Variants in MYO3B observed in about 807,000 individuals in gnomAD.
MYO3B encodes myosin IIIB.
MYO3B carries 156 observed loss-of-function variants against 174.6 expected under a neutral mutation model. That is an observed-to-expected ratio of 0.89 (90% CI 0.78 to 1.02). The LOEUF (loss-of-function observed/expected upper bound fraction) is 1.02, where lower values mean the gene tolerates loss of function less well. MYO3B is among the 50% of genes least tolerant of loss of function. MYO3B has a pLI of 0.00. For synonymous variants in MYO3B, 563 were observed against 569.1 expected (o/e 0.99, Z 0.15); for missense variants, 1,632 against 1,639.4 (o/e 1.00, Z 0.08).
intron 7 of MYO3B, among the ~76,000 whole-genome samples, chr2:170,272,335 T>C (rs1424656): frequency 0.89 from 135,121 of 152,120 alleles, 60,385 homozygotes; most frequent in East Asian, 0.96. Flanking sequence ...AACCCTTCTG[T>C]TACTGCCTTG....
intron 32 of MYO3B, among the ~76,000 whole-genome samples, chr2:170,611,972 T>C (rs1189653000): frequency 3.3e-5 from 5 of 152,204 alleles, no homozygotes; most frequent in Non-Finnish European, 7.3e-5. Flanking sequence ...AATTATGTTG[T>C]CTGTAGTATC....
chr2:170,609,670 G>A (rs1575242217), intron 32 of MYO3B, among the ~76,000 whole-genome samples: 1 of 152,204 alleles, frequency 6.6e-6, no homozygotes, highest in Admixed American at 6.5e-5. Flanking sequence ...ATGGTTCAAT[G>A]CTGCTTATTC....
At chr2:170,229,946 C>A (rs1448868085) in intron 6 of MYO3B, among the ~76,000 whole-genome samples, 2 of 151,902 alleles carry the variant, frequency 1.3e-5, no homozygotes, top group African/African-American at 4.8e-5. Flanking sequence ...CTACTCATGC[C>A]CTGTGCTTAC....
intron 22 of MYO3B, among the ~76,000 whole-genome samples, chr2:170,416,286 G>A (rs1249276109): frequency 6.6e-6 from 1 of 152,146 alleles, no homozygotes; most frequent in Non-Finnish European, 1.5e-5. Flanking sequence ...ACTTTGGGAG[G>A]CCGAGGCAGG....
intron 32 of MYO3B, among the ~76,000 whole-genome samples, chr2:170,606,287 C>T (rs927914648): frequency 6.6e-6 from 1 of 152,184 alleles, no homozygotes; most frequent in African/African-American, 2.4e-5. Flanking sequence ...TTCAGCTTTA[C>T]CTCACATCAT....
At chr2:170,517,750 G>T (rs936290478) in intron 29 of MYO3B, among the ~76,000 whole-genome samples, 1 of 152,026 alleles carries the variant, frequency 6.6e-6, no homozygotes, top group Non-Finnish European at 1.5e-5. Flanking sequence ...GTCAGTTCTT[G>T]CTTTTATGTT....
chr2:170,603,329 G>C (rs1226588077), intron 32 of MYO3B, among the ~76,000 whole-genome samples: 1 of 151,826 alleles, frequency 6.6e-6, no homozygotes, highest in Non-Finnish European at 1.5e-5. Context: ...AGGAAACATT[G>C]CTATTTTGAA....
chr2:170,244,957 A>C (rs186642206), intron 7 of MYO3B, among the ~76,000 whole-genome samples: 180 of 152,320 alleles, frequency 1.2e-3, no homozygotes, highest in South Asian at 0.011. Context: ...GTTGAGGAAC[A>C]CTGGATAATT....
intron 32 of MYO3B, among the ~76,000 whole-genome samples, chr2:170,604,256 G>A (rs77431749): frequency 0.032 from 4,901 of 152,172 alleles, 280 homozygotes; most frequent in African/African-American, 0.11. Flanking sequence ...ACATTTGAGG[G>A]TTTTGTTTTT....
intron 8 of MYO3B, chr2:170,340,496 A>G (rs1162953641): frequency 2.0e-5 from 3 of 152,224 alleles, no homozygotes; most frequent in Admixed American, 1.3e-4. Flanking sequence ...CATTCCTATA[A>G]CAAAAGACAG....
In MYO3B at chr2:170,608,613, A is replaced by G. The variant is rs74584371; in HGVS notation, c.3734-43015A>G. 8.5e-3 allele frequency among the ~76,000 whole-genome samples: 1,290 copies of G among 151,936 alleles called. 18 individuals carry two copies. The highest frequency in any genetic ancestry group is 0.029 in the African/African-American group (1,210 of 41,300). On this transcript the variant is annotated intron_variant, in intron 32 of 34. Coordinates refer to ENST00000408978, the MANE Select transcript of MYO3B (RefSeq NM_138995.5). ...ACATCACCCAATAGGAAAAAAAAAA[A>G]CATACAACTTTGCTCGTGGTCCCAG...
At chr2:170,295,595 C>A (rs560017782) in intron 7 of MYO3B, among the ~76,000 whole-genome samples, 1 of 152,170 alleles carries the variant, frequency 6.6e-6, no homozygotes, top group African/African-American at 2.4e-5. Flanking sequence ...CCCCTGCTCC[C>A]AAATTAGTCA....
At chr2:170,412,751 T>C (rs1032602323) in intron 22 of MYO3B, among the ~76,000 whole-genome samples, 1 of 152,194 alleles carries the variant, frequency 6.6e-6, no homozygotes, top group African/African-American at 2.4e-5. Context: ...TCTATCCTGA[T>C]AGTTTAGCAA....
intron 28 of MYO3B, among the ~76,000 whole-genome samples, chr2:170,510,177 A>C (rs1687892650): frequency 6.6e-6 from 1 of 152,214 alleles, no homozygotes; most frequent in African/African-American, 2.4e-5. Flanking sequence ...ATGGTTGTGA[A>C]AAGTCCCTCA....
intron 14 of MYO3B, among the ~76,000 whole-genome samples, chr2:170,390,877 T>C (rs2094407316): frequency 6.6e-6 from 1 of 152,198 alleles, no homozygotes; most frequent in African/African-American, 2.4e-5. Context: ...TCACTTGCTA[T>C]AAAACGTCTA....
chr2:170,334,237 A>G (rs530320819), intron 7 of MYO3B: 48 of 152,356 alleles, frequency 3.2e-4, no homozygotes, highest in African/African-American at 1.1e-3. Flanking sequence ...CATTGACTAG[A>G]ACTTGATCAC....
chr2:170,530,892 A>G (rs1689312604), intron 30 of MYO3B, among the ~76,000 whole-genome samples: 1 of 152,204 alleles, frequency 6.6e-6, no homozygotes, highest in Non-Finnish European at 1.5e-5. Flanking sequence ...GGGAGGGCAA[A>G]CAGTGGAAGC....
At chr2:170,238,002 G>GTTTTA (rs1232035422) in intron 7 of MYO3B, among the ~76,000 whole-genome samples, 2 of 152,234 alleles carry the variant, frequency 1.3e-5, no homozygotes, top group South Asian at 2.1e-4. Context: ...ATGATAAGAG[G>GTTTTA]TTTTATTTTA....
chr2:170,448,866 T>G (rs1374201541), intron 23 of MYO3B, among the ~76,000 whole-genome samples: 1 of 152,052 alleles, frequency 6.6e-6, no homozygotes, highest in Non-Finnish European at 1.5e-5. Context: ...GTAGGTCAAA[T>G]TTACTTGCAA....
Sources: gnomAD v4.1 joint callset for allele counts (sites outside exome capture counted in the v4.1 genomes callset) on GRCh38, gnomAD v4.1.1 for gene constraint, MANE v1.5 for transcripts, NCBI Gene and HGNC (gene_info 2026-07-23, HGNC 2026-07-21) for gene names.